TGFBR2: variants seen among roughly 807,000 people sequenced by gnomAD.
TGFBR2 encodes transforming growth factor beta receptor 2, also known as TGF-beta receptor type-2.
Under a neutral mutation model 49.0 loss-of-function variants are expected in TGFBR2, and 18 were observed. The ratio of observed to expected loss-of-function variants is 0.37; its 90% CI spans 0.25 to 0.54. The LOEUF is 0.54. Ranked by LOEUF, TGFBR2 falls within the 20% of genes least tolerant of loss-of-function variation. The probability of loss-of-function intolerance (pLI) is 0.85; values close to 1 mark genes in which losing one functional copy is unlikely to be tolerated. For missense variants in TGFBR2, 525 were observed against 722.6 expected (o/e 0.73, Z 3.13); for synonymous variants, 282 against 275.9 (o/e 1.02, Z -0.22).
intron 5 of TGFBR2, among the ~76,000 whole-genome samples, chr3:30,681,978 A>G (rs1346907): frequency 0.61 from 92,464 of 152,150 alleles, 28,830 homozygotes; most frequent in African/African-American, 0.75. Context: ...TATAACTACG[A>G]GCAGAACACA....
At chr3:30,615,889 G>T (rs903455619) in intron 1 of TGFBR2, among the ~76,000 whole-genome samples, 1 of 151,442 alleles carries the variant, frequency 6.6e-6, no homozygotes, top group African/African-American at 2.4e-5. Context: ...ACCAAGACCG[G>T]CCAGTTTTTT....
chr3:30,685,979 T>G (rs1167762915), intron 5 of TGFBR2, among the ~76,000 whole-genome samples: 1 of 152,188 alleles, frequency 6.6e-6, no homozygotes, highest in Non-Finnish European at 1.5e-5. Flanking sequence ...TATCTCAAGG[T>G]ATGGTACCAA....
At chr3:30,691,255 G>A (rs1699704434) in intron 6 of TGFBR2, among the ~76,000 whole-genome samples, 165 bp from the exon 7 acceptor site, 1 of 152,170 alleles carries the variant, frequency 6.6e-6, no homozygotes. Flanking sequence ...TTTCCACATG[G>A]AACTGGCTGG....
At chr3:30,628,472 C>CA (rs1249628891) in intron 1 of TGFBR2, among the ~76,000 whole-genome samples, 1 of 133,314 alleles carries the variant, frequency 7.5e-6, no homozygotes, top group East Asian at 2.3e-4. Context: ...CTTTATTTGG[C>CA]ATGCTGTGAC....
At chr3:30,674,715 T>C (rs909328467) in intron 5 of TGFBR2, among the ~76,000 whole-genome samples, 4 of 152,102 alleles carry the variant, frequency 2.6e-5, no homozygotes, top group African/African-American at 7.3e-5. Context: ...AAAAAAATCA[T>C]TGTTTGAGAT....
At chr3:30,616,167 G>C (rs1023407932) in intron 1 of TGFBR2, among the ~76,000 whole-genome samples, 2 of 152,096 alleles carry the variant, frequency 1.3e-5, no homozygotes, top group Non-Finnish European at 2.9e-5. Flanking sequence ...AGATTCCAAA[G>C]ACCTGAGTCT....
At chr3:30,611,668 C>A (rs1018271216) in intron 1 of TGFBR2, among the ~76,000 whole-genome samples, 2 of 144,634 alleles carry the variant, frequency 1.4e-5, no homozygotes, top group East Asian at 4.1e-4. Flanking sequence ...TTTTAAGTTT[C>A]TTTTTTCATT....
At chr3:30,682,580 G>T (rs572927389) in intron 5 of TGFBR2, among the ~76,000 whole-genome samples, 42 of 152,114 alleles carry the variant, frequency 2.8e-4, no homozygotes, top group Non-Finnish European at 5.9e-4. Flanking sequence ...GTGCAAAGAG[G>T]AACTGCATTA....
chr3:30,615,343 T>G (rs1334697963), intron 1 of TGFBR2, among the ~76,000 whole-genome samples: 1 of 152,182 alleles, frequency 6.6e-6, no homozygotes, highest in Non-Finnish European at 1.5e-5. Context: ...TGTCATCAAG[T>G]CAAATACTAC....
rs372442339 is a variant in TGFBR2 at position 30,644,695 on chromosome 3, C to A, written c.95-52C>A. ...CATAACATCTTCAGGAATTCATTGG[C>A]AGGCTGCCTGGCAGTTGGATAATCA... is the stretch of plus-strand genomic sequence containing the variant. On this transcript the variant is annotated intron_variant, in intron 1 of 6. Transcript: ENST00000295754. 2,103 of 1,557,342 alleles carry A rather than the reference C, an allele frequency of 1.4e-3. 6 individuals carry two copies. Among genetic ancestry groups the A allele is most frequent in the Non-Finnish European group, 1.8e-3 (2,003 of 1,132,190 alleles).
Position 30,672,835 on chromosome 3 carries a change from G to T in TGFBR2, c.1254+398G>T, listed in dbSNP as rs530448288. On this transcript the variant is annotated intron_variant, in intron 4 of 6. Coordinates refer to ENST00000295754, the MANE Select transcript of TGFBR2 (RefSeq NM_003242.6). This position sits in a 1 kb window ranked among gnomAD's most constrained non-coding sequence, Gnocchi z 4.5. ...TTGTGTTGGTTTCTTTGTATTAAAA[G>T]CATCGTGGAAGGCAATCTCCCTGAA... is the stretch of plus-strand genomic sequence containing the variant. Among the ~76,000 whole-genome samples the T allele has an allele frequency of 1.3e-5, 2 of 152,226 alleles. No individual in the cohort carries two copies. Among genetic ancestry groups the T allele is most frequent in the East Asian group, 1.9e-4 (1 of 5,176 alleles).
At chr3:30,632,284 C>T (rs912137941) in intron 1 of TGFBR2, among the ~76,000 whole-genome samples, 1 of 152,118 alleles carries the variant, frequency 6.6e-6, no homozygotes, top group Non-Finnish European at 1.5e-5. Context: ...GTCTCAAAGC[C>T]AAAGTAGATC....
intron 5 of TGFBR2, among the ~76,000 whole-genome samples, chr3:30,675,220 A>C (rs1002691383): frequency 1.3e-5 from 2 of 152,114 alleles, no homozygotes; most frequent in Admixed American, 1.3e-4. Context: ...AAGCAGCCCA[A>C]CGCAAGCTCT....
intron 1 of TGFBR2, among the ~76,000 whole-genome samples, chr3:30,638,986 C>T (rs1698593748): frequency 6.6e-6 from 1 of 152,264 alleles, no homozygotes; most frequent in Middle Eastern, 3.4e-3. Context: ...TCTTTCAATT[C>T]TGGGCCCATA....
At chr3:30,651,321 G>A (rs1042568315) in intron 3 of TGFBR2, among the ~76,000 whole-genome samples, 2 of 151,992 alleles carry the variant, frequency 1.3e-5, no homozygotes, top group Non-Finnish European at 2.9e-5. Context: ...ATGCACACAC[G>A]TCTCTATCAT....
intron 3 of TGFBR2, among the ~76,000 whole-genome samples, chr3:30,658,286 C>T: frequency 6.6e-6 from 1 of 152,210 alleles, no homozygotes; most frequent in East Asian, 1.9e-4. Flanking sequence ...ATTTAGCATA[C>T]TAATATCACT....
chr3:30,679,344 C>A (rs1699494768), intron 5 of TGFBR2, among the ~76,000 whole-genome samples: 1 of 152,170 alleles, frequency 6.6e-6, no homozygotes, highest in Non-Finnish European at 1.5e-5. Context: ...ACTAGCCAGT[C>A]TCCCCTGAAT....
Position 30,671,821 on chromosome 3 carries a change from G to T in TGFBR2, c.638G>T (p.Ser213Ile). ...AAGACGCGGAAGCTCATGGAGTTCAGCGAGCACTGTGCCATCATCCTGGAA... is the reference window on the plus strand; with the variant it reads ...AAGACGCGGAAGCTCATGGAGTTCATCGAGCACTGTGCCATCATCCTGGAA... ...TGKTRKLMEF[S>I]EHCAIILEDD... Residue 213 changes from serine (S) to isoleucine (I), a missense_variant, in exon 4 of 7, where the codon AGC (serine) becomes ATC (isoleucine). This residue lies in a region of TGFBR2 where 376 missense variants were observed against 478.2 expected (regional missense o/e 0.79). Coordinates refer to ENST00000295754, the MANE Select transcript of TGFBR2 (RefSeq NM_003242.6). 1.2e-6 allele frequency: 2 copies of T among 1,614,206 alleles called. No individual in the cohort carries two copies. The highest frequency in any genetic ancestry group is 1.7e-6 in the Non-Finnish European group (2 of 1,180,040).
intron 1 of TGFBR2, among the ~76,000 whole-genome samples, chr3:30,628,351 T>G (rs1698373294): frequency 6.6e-6 from 1 of 152,070 alleles, no homozygotes; most frequent in African/African-American, 2.4e-5. Context: ...GTTCAGTATT[T>G]ATCAGAAGAA....
Sources: allele counts gnomAD v4.1 joint callset (sites outside exome capture counted in the v4.1 genomes callset), GRCh38; gene constraint gnomAD v4.1.1; regional missense constraint gnomAD v4.1.1; non-coding constraint Gnocchi (gnomAD v3.1); transcripts MANE v1.5; gene names NCBI Gene and HGNC (gene_info 2026-07-23, HGNC 2026-07-21).